Variants in CMSS1 observed in about 807,000 individuals in gnomAD.
CMSS1 encodes the protein protein CMSS1.
A neutral mutation model predicts 43.5 loss-of-function variants in CMSS1; 33 were observed. The observed-to-expected ratio is 0.76, with a 90% CI of 0.57 to 1.01. The LOEUF (loss-of-function observed/expected upper bound fraction) is 1.01. CMSS1 is among the 50% of genes least tolerant of loss of function. The probability of loss-of-function intolerance (pLI) is 0.00; values close to 1 mark genes in which losing one functional copy is unlikely to be tolerated. For missense variants in CMSS1, 313 were observed against 326.4 expected, an observed-to-expected ratio of 0.96 and a Z score of 0.32; for synonymous variants, 115 against 117.2, an observed-to-expected ratio of 0.98 and a Z score of 0.12.
rs2065961992 is a variant in CMSS1, at chr3:100,083,495, G to C, written c.65-63478G>C. ...TCCGTCTGATTCTAATGCACAGCGA[G>C]ATTTCAGAACCATTGTTTCAGACCA... On this transcript the variant is annotated intron_variant, in intron 1 of 9. Transcript: ENST00000421999. 2.0e-5 allele frequency among the ~76,000 whole-genome samples: 3 copies of C among 152,168 alleles called. No homozygotes were observed. The South Asian group carries it at 6.2e-4, about 32-fold the overall frequency.
chr3:100,117,489 G>C (rs1196027512), intron 1 of CMSS1, among the ~76,000 whole-genome samples: 2 of 151,994 alleles, frequency 1.3e-5, no homozygotes, highest in Non-Finnish European at 2.9e-5. Flanking sequence ...GTGGCATCCA[G>C]AAGGAATCAT....
intron 1 of CMSS1, among the ~76,000 whole-genome samples, chr3:99,886,052 A>G (rs1375704868): frequency 6.6e-6 from 1 of 152,250 alleles, no homozygotes; most frequent in East Asian, 1.9e-4. Flanking sequence ...GAGGTATTAC[A>G]CTTTCCTTTC....
chr3:99,975,999 C>T (rs1442007283), intron 1 of CMSS1, among the ~76,000 whole-genome samples: 1 of 152,198 alleles, frequency 6.6e-6, no homozygotes, highest in Non-Finnish European at 1.5e-5. Flanking sequence ...ATTCTCCTGC[C>T]TCAGCCTCCC....
intron 1 of CMSS1, among the ~76,000 whole-genome samples, chr3:100,091,876 T>C (rs1227877225): frequency 2.0e-5 from 3 of 152,340 alleles, no homozygotes; most frequent in African/African-American, 7.2e-5. Flanking sequence ...TAAATATTAA[T>C]TGAAACTGTA....
chr3:99,861,190 G>A (rs1013073439), intron 1 of CMSS1, among the ~76,000 whole-genome samples: 4 of 151,116 alleles, frequency 2.6e-5, no homozygotes, highest in Non-Finnish European at 4.4e-5. Context: ...ATACACCCCC[G>A]CCCTCCCAAA....
intron 1 of CMSS1, among the ~76,000 whole-genome samples, chr3:100,008,788 T>C (rs777241108): frequency 7.9e-5 from 12 of 152,220 alleles, no homozygotes; most frequent in Non-Finnish European, 1.3e-4. Flanking sequence ...GCCCTTGTAT[T>C]TTGCGTGCAG....
At chr3:100,145,473 T>C (rs2066841588) in intron 1 of CMSS1, among the ~76,000 whole-genome samples, 2 of 151,256 alleles carry the variant, frequency 1.3e-5, no homozygotes, top group South Asian at 2.1e-4. Flanking sequence ...TACATATTAG[T>C]CAGGGTTCTC....
intron 1 of CMSS1, among the ~76,000 whole-genome samples, chr3:100,089,849 CTACT>C (rs2066073277): frequency 1.3e-5 from 2 of 152,170 alleles, no homozygotes; most frequent in Non-Finnish European, 2.9e-5. Flanking sequence ...TTTTTGCCAC[CTACT>C]AGTTCAGTGA....
intron 1 of CMSS1, among the ~76,000 whole-genome samples, chr3:99,916,544 TA>T (rs2107645466): frequency 6.6e-6 from 1 of 152,226 alleles, no homozygotes; most frequent in Non-Finnish European, 1.5e-5. Flanking sequence ...GAGTGCTTTT[TA>T]TGTGCTAGAC....
chr3:100,163,886 G>A (rs1268674468), intron 4 of CMSS1, among the ~76,000 whole-genome samples: 1 of 151,702 alleles, frequency 6.6e-6, no homozygotes, highest in Non-Finnish European at 1.5e-5. Context: ...AGTAGAGGGT[G>A]GCTTGATTTC....
At chr3:100,097,916 C>G (rs1255172825) in intron 1 of CMSS1, among the ~76,000 whole-genome samples, 2 of 152,142 alleles carry the variant, frequency 1.3e-5, no homozygotes, top group Non-Finnish European at 2.9e-5. Flanking sequence ...AGTAGAAACT[C>G]TTATCATTTA....
rs566659061 is a variant in CMSS1 at position 99,947,547 on chromosome 3, C to G, written c.64+129504C>G. Among the ~76,000 whole-genome samples, 38 of 152,252 alleles carry G rather than the reference C, an allele frequency of 2.5e-4. No homozygotes were observed. In the South Asian group the frequency reaches 6.2e-3, roughly 25 times the overall value. ...AGGAACCTTGACTTTGTCTGGACTTCACAAAACTGGCAGGAGTCCATGAGA... is the reference window on the plus strand; with the variant it reads ...AGGAACCTTGACTTTGTCTGGACTTGACAAAACTGGCAGGAGTCCATGAGA... On this transcript the variant is annotated intron_variant, in intron 1 of 9. Coordinates refer to ENST00000421999, the MANE Select transcript of CMSS1 (RefSeq NM_032359.4).
intron 1 of CMSS1, among the ~76,000 whole-genome samples, chr3:100,141,112 T>G (rs2066801051): frequency 6.6e-6 from 1 of 152,136 alleles, no homozygotes; most frequent in Non-Finnish European, 1.5e-5. Flanking sequence ...CAAACCTGGT[T>G]CCTCCTCCAC....
chr3:99,981,829 G>A (rs781194628), intron 1 of CMSS1, among the ~76,000 whole-genome samples: 4 of 152,120 alleles, frequency 2.6e-5, no homozygotes, highest in Non-Finnish European at 4.4e-5. Flanking sequence ...GGGAAGGTTC[G>A]TGAGACAACA....
At chr3:99,839,877 A>C (rs2107502423) in intron 1 of CMSS1, among the ~76,000 whole-genome samples, 1 of 152,308 alleles carries the variant, frequency 6.6e-6, no homozygotes, top group Admixed American at 6.5e-5. Flanking sequence ...AAGAGTTTTC[A>C]TATGAGTTGT....
At chr3:99,848,459 C>G in intron 1 of CMSS1, 1 of 1,614,176 alleles carries the variant, frequency 6.2e-7, no homozygotes, top group South Asian at 1.1e-5. Flanking sequence ...CTGGCTACAG[C>G]TTGCATGTAA....
chr3:99,857,592 C>A (rs1301262524), intron 1 of CMSS1, among the ~76,000 whole-genome samples: 1 of 152,176 alleles, frequency 6.6e-6, no homozygotes, highest in Non-Finnish European at 1.5e-5. Flanking sequence ...ATAATCTGAC[C>A]ACCCTAAAAC....
chr3:99,825,786 T>C (rs1174977622), intron 1 of CMSS1, among the ~76,000 whole-genome samples: 5 of 149,076 alleles, frequency 3.4e-5, no homozygotes, highest in Non-Finnish European at 6.0e-5. Flanking sequence ...TTTTTTTTTT[T>C]TTTTTTTTGA....
chr3:100,054,429 G>A (rs1453441194), intron 1 of CMSS1, among the ~76,000 whole-genome samples: 2 of 152,028 alleles, frequency 1.3e-5, no homozygotes, highest in African/African-American at 2.4e-5. Flanking sequence ...AGTGGAGCAC[G>A]TACTCTTGCC....
Sources: allele counts gnomAD v4.1 joint callset (sites outside exome capture counted in the v4.1 genomes callset), GRCh38; gene constraint gnomAD v4.1.1; transcripts MANE v1.5; gene names NCBI Gene and HGNC (gene_info 2026-07-23, HGNC 2026-07-21).